Variants in PHC3 observed in about 807,000 individuals in gnomAD.
PHC3 encodes the protein polyhomeotic-like protein 3.
PHC3 carries 13 observed loss-of-function variants against 107.4 expected under a neutral mutation model. The observed-to-expected ratio is 0.12, with a 90% CI of 0.08 to 0.19. PHC3 has a LOEUF of 0.19. Among genes scored for constraint, PHC3 ranks in the 10% least tolerant of loss-of-function variants. PHC3 has a pLI of 1.00. For missense variants in PHC3, 992 were observed against 1,210.9 expected (o/e 0.82, Z 2.68); for synonymous variants, 456 against 427.4 (o/e 1.07, Z -0.83).
chr3:170,102,452 T>C, intron 14 of PHC3, 27 bp downstream of exon 14: 1 of 1,603,276 alleles, frequency 6.2e-7, no homozygotes, highest in Non-Finnish European at 8.5e-7. Context: ...AAGAAAAATA[T>C]TAAGGCCAAA....
At chr3:170,111,955 G>A (rs1160834119) in intron 11 of PHC3, among the ~76,000 whole-genome samples, 7 of 152,072 alleles carry the variant, frequency 4.6e-5, no homozygotes, top group African/African-American at 1.4e-4. Flanking sequence ...TAATTACTTA[G>A]ACACAAGTGT....
intron 4 of PHC3, among the ~76,000 whole-genome samples, chr3:170,162,258 CATT>C (rs1159588516): frequency 9.2e-5 from 14 of 152,312 alleles, no homozygotes; most frequent in African/African-American, 3.4e-4. Flanking sequence ...CATGAGACAT[CATT>C]AATCATGAAA....
rs764555137 is a variant in PHC3, at chr3:170,097,187, G to A, written c.*43C>T. 5 of 1,550,612 alleles carry A rather than the reference G, an allele frequency of 3.2e-6. No homozygotes were observed. The highest frequency in any genetic ancestry group is 3.5e-6 in the Non-Finnish European group (4 of 1,139,928). Reference sequence around the variant, plus strand: ...AGGCCTTTACCTTACAAGTTTTTGTGAGAAAAGTAAAACTGCTGTTTTATC... The same window carrying A: ...AGGCCTTTACCTTACAAGTTTTTGTAAGAAAAGTAAAACTGCTGTTTTATC... On this transcript the variant is annotated 3_prime_UTR_variant, in exon 15 of 15. Coordinates refer to ENST00000495893, the MANE Select transcript of PHC3 (RefSeq NM_024947.4). This position sits in a 1 kb window ranked among gnomAD's most constrained non-coding sequence, Gnocchi z 4.1.
intron 4 of PHC3, among the ~76,000 whole-genome samples, chr3:170,163,957 T>G (rs1007502995): frequency 4.6e-5 from 7 of 151,506 alleles, no homozygotes; most frequent in African/African-American, 1.7e-4. Flanking sequence ...CTCAGCATTT[T>G]GGGAGGCCAA....
rs774474384 is a variant in PHC3 at position 170,102,644 on chromosome 3, T to C, written c.2668A>G (p.Met890Val). Residue 890 changes from methionine (M) to valine (V), a missense_variant, in exon 14 of 15, where the codon ATG (methionine) becomes GTG (valine). Transcript: ENST00000495893. ...CTCTGCCTGCGCAGACGAGTTGTCA[T>C]AGCAGATGGCACAGAATCTTCATGA... ...ASHEDSVPSAMTTRLRRQSER... is the reference protein window; with the variant it reads ...ASHEDSVPSAVTTRLRRQSER... 41 of 1,614,002 alleles carry C rather than the reference T, an allele frequency of 2.5e-5. No individual in the cohort carries two copies. In the South Asian group the frequency reaches 3.5e-4, roughly 14 times the overall value.
In PHC3 at chr3:170,122,573, AT is replaced by A; in HGVS notation, c.1942+17del. The stretch of plus-strand genomic sequence containing the variant: ...TTATCAAATAGAAAAATTCCCACAA[AT>A]TTTGGTATTTTCTCACCTAACAAAG... On this transcript the variant is annotated intron_variant, in intron 9 of 14. Coordinates refer to ENST00000495893, the MANE Select transcript of PHC3 (RefSeq NM_024947.4). The A allele has an allele frequency of 6.2e-7, 1 of 1,611,850 alleles. No individual in the cohort carries two copies. The highest frequency in any genetic ancestry group is 8.5e-7 in the Non-Finnish European group (1 of 1,178,100).
intron 1 of PHC3, among the ~76,000 whole-genome samples, chr3:170,180,517 CACTT>C (rs1220077513): frequency 7.3e-5 from 11 of 150,658 alleles, no homozygotes; most frequent in African/African-American, 2.4e-4. Flanking sequence ...GCTGACTCCT[CACTT>C]ACTTTTTGGA....
rs542696998 is a variant in PHC3, at chr3:170,094,199, T to G, written c.*3031A>C. ...GGACAACACTCTATCTCATACTATA[T>G]TGACTACTCAAAGCTGCATAGCTGT... On this transcript the variant is annotated 3_prime_UTR_variant, in exon 15 of 15. Coordinates refer to ENST00000495893, the MANE Select transcript of PHC3 (RefSeq NM_024947.4). The G allele has an allele frequency of 1.7e-4, 26 of 152,314 alleles. 1 individual carries two copies. Among genetic ancestry groups the G allele is most frequent in the African/African-American group, 6.3e-4 (26 of 41,568 alleles). 9.4% of individuals were successfully genotyped at this position (152,314 alleles called of 1,614,324 possible).
chr3:170,129,572 CAATT>C lies in PHC3; in HGVS notation c.920-24_920-21del. 6.3e-7 allele frequency: 1 copy of C among 1,587,052 alleles called. No homozygotes were observed. Among genetic ancestry groups the C allele is most frequent in the Non-Finnish European group, 8.6e-7 (1 of 1,166,128 alleles). ...ATGAAGCTGTGAGAGAAAAAAATGA[CAATT>C]AGTACTGATTTCAAAAATACAGAAA... On this transcript the variant is annotated intron_variant, in intron 7 of 14. Coordinates refer to ENST00000495893, the MANE Select transcript of PHC3 (RefSeq NM_024947.4).
At position 170,178,829 on chromosome 3, in the gene PHC3, G is replaced by C. The variant is rs1730935362; in HGVS notation, c.124C>G (p.Arg42Gly). 1.2e-6 allele frequency: 2 copies of C among 1,613,880 alleles called. No homozygotes were observed. Among genetic ancestry groups the C allele is most frequent in the Non-Finnish European group, 1.7e-6 (2 of 1,179,902 alleles). ...ACAGAGATCTGTGGCTGCTGCATTC[G>C]AGAGGAGGAAGTGGTGATGGTGGTG... ...TTTTITTSSS[R>G]MQQPQISVYS... Residue 42 changes from arginine to glycine, a missense_variant, in exon 2 of 15, where the codon CGA (arginine) becomes GGA (glycine). Physicochemically the swap from Arg to Gly is moderately radical, Grantham distance 125. Around this residue, in one of 6 missense-constraint regions of PHC3, gnomAD observed 161 missense variants for 183.7 expected, o/e 0.88. Coordinates refer to ENST00000495893, the MANE Select transcript of PHC3 (RefSeq NM_024947.4).
At chr3:170,107,258 G>A (rs1392426666) in intron 11 of PHC3, among the ~76,000 whole-genome samples, 1 of 152,110 alleles carries the variant, frequency 6.6e-6, no homozygotes, top group Non-Finnish European at 1.5e-5. Context: ...GAGAAATGAA[G>A]ATGAATAACA....
At position 170,129,151 on chromosome 3, in the gene PHC3, CTGA is replaced by C; in HGVS notation, c.1318_1320del (p.Ser440del). The C allele has an allele frequency of 1.2e-6, 2 of 1,613,826 alleles. No individual in the cohort carries two copies. The highest frequency in any genetic ancestry group is 3.3e-4 in the Middle Eastern group (2 of 6,062). ...TGCAAATTTGGCCCTGGCTGGAGAG[CTGA>C]TGACACAAGAGGGTGTGGCTGAATA... On this transcript the variant is annotated inframe_deletion, in exon 8 of 15. Transcript: ENST00000495893.
At chr3:170,109,009 A>G (rs1209813383) in intron 11 of PHC3, among the ~76,000 whole-genome samples, 1 of 152,206 alleles carries the variant, frequency 6.6e-6, no homozygotes, top group Non-Finnish European at 1.5e-5. Flanking sequence ...TATTTCTCAT[A>G]AAGAAGCGAG....
intron 4 of PHC3, among the ~76,000 whole-genome samples, chr3:170,168,833 G>C (rs1396099539): frequency 6.7e-6 from 1 of 149,042 alleles, no homozygotes; most frequent in African/African-American, 2.5e-5. Flanking sequence ...TTAGAGAAAA[G>C]AAAAGAATGC....
chr3:170,106,153 A>G (rs1307790174), intron 12 of PHC3, among the ~76,000 whole-genome samples: 3 of 152,228 alleles, frequency 2.0e-5, no homozygotes, highest in Non-Finnish European at 2.9e-5. Flanking sequence ...TGGAGGATGC[A>G]GTGAGCCGAG....
intron 9 of PHC3, among the ~76,000 whole-genome samples, chr3:170,118,603 G>A (rs1463783201): frequency 6.6e-6 from 1 of 151,984 alleles, no homozygotes; most frequent in Non-Finnish European, 1.5e-5. Flanking sequence ...AGTAGAGATG[G>A]GGTTTCACTG....
intron 8 of PHC3, among the ~76,000 whole-genome samples, chr3:170,125,237 C>T (rs1316003582): frequency 2.0e-5 from 3 of 151,958 alleles, no homozygotes; most frequent in Non-Finnish European, 4.4e-5. Context: ...ATGATAATAA[C>T]AGTTTTTTAA....
chr3:170,090,271 A>G lies in PHC3; in HGVS notation c.*6959T>C, dbSNP rs982642739. The G allele has an allele frequency of 1.3e-5, 2 of 152,178 alleles. No homozygotes were observed. The highest frequency in any genetic ancestry group is 1.3e-4 in the Admixed American group (2 of 15,284). The allele number at this position is 152,178 out of a possible 1,614,324, so 9.4% of individuals were successfully genotyped here. Reference sequence around the variant, plus strand: ...ATACAAATATTCCCTCCCAGTTCCAAGTTTATTAAGATTCCCTCTCAGTAT... The same window carrying G: ...ATACAAATATTCCCTCCCAGTTCCAGGTTTATTAAGATTCCCTCTCAGTAT... On this transcript the variant is annotated 3_prime_UTR_variant, in exon 15 of 15. Transcript: ENST00000495893.
Position 170,102,947 on chromosome 3 carries a change from A to C in PHC3, c.2469-13T>G, listed in dbSNP as rs1715758872. The C allele has an allele frequency of 6.3e-7, 1 of 1,599,256 alleles. No individual in the cohort carries two copies. The highest frequency in any genetic ancestry group is 1.7e-5 in the Admixed American group (1 of 57,874). On this transcript the variant is annotated splice_polypyrimidine_tract_variant and intron_variant, in intron 12 of 14. Transcript: ENST00000495893. ...GCTAACATTGTACCTAAGAAATTCA[A>C]GAAAGAAAAAATATTTAATGATATA...
Sources: allele counts gnomAD v4.1 joint callset (sites outside exome capture counted in the v4.1 genomes callset), GRCh38; gene constraint gnomAD v4.1.1; regional missense constraint gnomAD v4.1.1; non-coding constraint Gnocchi (gnomAD v3.1); transcripts MANE v1.5; gene names NCBI Gene and HGNC (gene_info 2026-07-23, HGNC 2026-07-21).